Variants in UNC5D observed in about 807,000 individuals in gnomAD.
UNC5D encodes unc-5 netrin receptor D, also known as netrin receptor UNC5D.
A neutral mutation model predicts 105.4 loss-of-function variants in UNC5D; 39 were observed. The observed-to-expected ratio is 0.37, with a 90% CI of 0.29 to 0.48. UNC5D has a LOEUF of 0.48. Among genes scored for constraint, UNC5D ranks in the 20% least tolerant of loss-of-function variants. The pLI is 0.98. For synonymous variants in UNC5D, 452 were observed against 450.4 expected (o/e 1.00, Z -0.04); for missense variants, 991 against 1,202.4 (o/e 0.82, Z 2.60).
intron 10 of UNC5D, chr8:35,726,732 G>GCTGA: frequency 2.7e-6 from 2 of 735,634 alleles, no homozygotes; most frequent in Non-Finnish European, 4.3e-6. Flanking sequence ...ATCTCAGCAT[G>GCTGA]GATTGAATGC....
chr8:35,445,381 G>A (rs1246359912), intron 1 of UNC5D, among the ~76,000 whole-genome samples: 1 of 151,978 alleles, frequency 6.6e-6, no homozygotes, highest in Non-Finnish European at 1.5e-5. Context: ...CATTTTTAGT[G>A]AAATATGAAC....
chr8:35,603,446 G>A (rs1376001566), intron 4 of UNC5D, among the ~76,000 whole-genome samples: 1 of 152,162 alleles, frequency 6.6e-6, no homozygotes, highest in Non-Finnish European at 1.5e-5. Context: ...ATTTGCTGAG[G>A]AGTGCTTTAC....
At chr8:35,522,738 G>C (rs1044913595) in intron 1 of UNC5D, among the ~76,000 whole-genome samples, 1 of 152,120 alleles carries the variant, frequency 6.6e-6, no homozygotes, top group Non-Finnish European at 1.5e-5. Context: ...TGTGAAACTG[G>C]ATGATCTCTA....
At chr8:35,415,637 G>A (rs1175504497) in intron 1 of UNC5D, among the ~76,000 whole-genome samples, 2 of 152,084 alleles carry the variant, frequency 1.3e-5, no homozygotes, top group East Asian at 1.9e-4. Context: ...TTGCTAATGA[G>A]GAATTGTCCA....
chr8:35,297,036 TATA>T (rs1425731653), intron 1 of UNC5D, among the ~76,000 whole-genome samples: 2 of 152,216 alleles, frequency 1.3e-5, no homozygotes, highest in Non-Finnish European at 2.9e-5. Flanking sequence ...AAACAAATTT[TATA>T]AGTCATGGGA....
chr8:35,236,186 C>G (rs1242710393), intron 1 of UNC5D, among the ~76,000 whole-genome samples: 2 of 152,178 alleles, frequency 1.3e-5, no homozygotes, highest in African/African-American at 4.8e-5. Context: ...TGGAGTAGCC[C>G]GGTCTTCACT....
chr8:35,298,063 G>A (rs566064042), intron 1 of UNC5D, among the ~76,000 whole-genome samples: 71 of 152,254 alleles, frequency 4.7e-4, no homozygotes, highest in Non-Finnish European at 9.4e-4. Context: ...TGCAGACTAT[G>A]AGCTTCCCCT....
intron 1 of UNC5D, among the ~76,000 whole-genome samples, chr8:35,277,060 G>A (rs900034606): frequency 6.6e-6 from 1 of 152,148 alleles, no homozygotes; most frequent in Non-Finnish European, 1.5e-5. Context: ...TAGACATATA[G>A]CTTAGAAGTT....
intron 1 of UNC5D, among the ~76,000 whole-genome samples, chr8:35,497,923 G>A (rs933581459): frequency 1.3e-5 from 2 of 151,734 alleles, no homozygotes; most frequent in African/African-American, 4.8e-5. Context: ...TACAAAATTA[G>A]CCAGATGTAG....
intron 3 of UNC5D, among the ~76,000 whole-genome samples, chr8:35,591,772 C>T (rs931174425): frequency 2.0e-5 from 3 of 152,080 alleles, no homozygotes; most frequent in Admixed American, 2.0e-4. Flanking sequence ...AAGTCTAGGA[C>T]ATAGAACCTG....
chr8:35,625,834 C>T (rs1042306590), intron 4 of UNC5D, among the ~76,000 whole-genome samples: 7 of 152,162 alleles, frequency 4.6e-5, no homozygotes, highest in Non-Finnish European at 4.4e-5. Flanking sequence ...GGCTTCAGTT[C>T]TCAAGTCAGA....
chr8:35,374,619 T>C (rs1802593521), intron 1 of UNC5D, among the ~76,000 whole-genome samples: 3 of 152,180 alleles, frequency 2.0e-5, no homozygotes. Context: ...CCCAAATGCT[T>C]ATTTGTTACT....
rs185122566 is a variant in UNC5D, at chr8:35,651,749, A to G, written c.571-31798A>G. Among the ~76,000 whole-genome samples, 412 of 152,256 alleles carry G rather than the reference A, an allele frequency of 2.7e-3. 1 individual carries two copies. Among genetic ancestry groups the G allele is most frequent in the African/African-American group, 9.7e-3 (402 of 41,548 alleles). On this transcript the variant is annotated intron_variant, in intron 4 of 16. Coordinates refer to ENST00000404895, the MANE Select transcript of UNC5D (RefSeq NM_080872.4). ...TTTTGTCTAGTTTTGAATTTTGTAT[A>G]GGTGAAACTACACTCTTCTGGGTCT...
intron 1 of UNC5D, among the ~76,000 whole-genome samples, chr8:35,336,260 T>A (rs1420982166): frequency 2.0e-5 from 3 of 152,154 alleles, no homozygotes; most frequent in Non-Finnish European, 4.4e-5. Context: ...AAAACCAGTT[T>A]CTTTATTAGC....
chr8:35,485,329 T>C (rs1031094174), intron 1 of UNC5D, among the ~76,000 whole-genome samples: 7 of 152,210 alleles, frequency 4.6e-5, no homozygotes, highest in Non-Finnish European at 8.8e-5. Flanking sequence ...CAGTATAACA[T>C]CTCTGCGAGA....
intron 4 of UNC5D, among the ~76,000 whole-genome samples, chr8:35,630,160 G>A (rs1009143836): frequency 1.3e-5 from 2 of 152,096 alleles, no homozygotes; most frequent in African/African-American, 4.8e-5. Context: ...ATGAACTCTG[G>A]CCTTTTTTAT....
intron 11 of UNC5D, among the ~76,000 whole-genome samples, chr8:35,736,653 C>G (rs148720242): frequency 2.5e-3 from 388 of 152,212 alleles, no homozygotes; most frequent in Non-Finnish European, 3.5e-3. Context: ...AAAGGATGAA[C>G]CCCGTTTAAA....
intron 1 of UNC5D, among the ~76,000 whole-genome samples, chr8:35,466,337 T>A (rs1809303576): frequency 6.6e-6 from 1 of 152,216 alleles, no homozygotes; most frequent in African/African-American, 2.4e-5. Context: ...AACCTTATGT[T>A]CTGTATCAGC....
chr8:35,492,546 G>A (rs2130123668), intron 1 of UNC5D, among the ~76,000 whole-genome samples: 1 of 152,084 alleles, frequency 6.6e-6, no homozygotes, highest in South Asian at 2.1e-4. Flanking sequence ...CTCTGAAAGA[G>A]GAAGTCTGCT....
Sources: allele counts gnomAD v4.1 joint callset (sites outside exome capture counted in the v4.1 genomes callset), GRCh38; gene constraint gnomAD v4.1.1; transcripts MANE v1.5; gene names NCBI Gene and HGNC (gene_info 2026-07-23, HGNC 2026-07-21).